Variants in ZFAND1 observed in about 807,000 individuals in gnomAD.
ZFAND1 encodes zinc finger AN1-type containing 1.
A neutral mutation model predicts 38.5 loss-of-function variants in ZFAND1; 40 were observed. The ratio of observed to expected loss-of-function variants is 1.04; its 90% confidence interval spans 0.81 to 1.35. The LOEUF (loss-of-function observed/expected upper bound fraction) is 1.35, where lower values mean the gene tolerates loss of function less well. ZFAND1 is among the 40% of genes most tolerant of loss of function. The pLI is 0.00. For synonymous variants in ZFAND1, 117 were observed against 103.6 expected, an observed-to-expected ratio of 1.13 and a Z score of -0.78; for missense variants, 346 against 316.3, an observed-to-expected ratio of 1.09 and a Z score of -0.71.
chr8:81,717,874 TTAAAA>T (rs1202628279), intron 2 of ZFAND1, among the ~76,000 whole-genome samples: 2 of 152,086 alleles, frequency 1.3e-5, no homozygotes, highest in Non-Finnish European at 2.9e-5. Context: ...ATTTTATTAA[TTAAAA>T]TAAAGAGCAA....
chr8:81,704,592 G>T (rs1410416738), intron 6 of ZFAND1, among the ~76,000 whole-genome samples: 2 of 150,692 alleles, frequency 1.3e-5, no homozygotes, highest in African/African-American at 4.9e-5. Context: ...AAAAGGCTTG[G>T]CCTTTGCTCT....
At chr8:81,715,584 T>C (rs935063165) in intron 3 of ZFAND1, among the ~76,000 whole-genome samples, 7 of 152,048 alleles carry the variant, frequency 4.6e-5, no homozygotes. Context: ...TATTATTCTC[T>C]ATGCCCTATT....
chr8:81,717,611 T>A (rs1346894716), intron 2 of ZFAND1, among the ~76,000 whole-genome samples: 2 of 152,274 alleles, frequency 1.3e-5, no homozygotes, highest in Middle Eastern at 3.4e-3. Context: ...TGAAAAGTGC[T>A]CTAATTCCAA....
At chr8:81,710,541 A>G (rs1227781544) in intron 6 of ZFAND1, among the ~76,000 whole-genome samples, 1 of 152,152 alleles carries the variant, frequency 6.6e-6, no homozygotes, top group Non-Finnish European at 1.5e-5. Flanking sequence ...ACCACCATAA[A>G]CAAGAAAGGA....
intron 3 of ZFAND1, 102 bp downstream of exon 3, chr8:81,717,147 A>G: frequency 3.0e-6 from 3 of 990,066 alleles, no homozygotes; most frequent in Non-Finnish European, 4.4e-6. Flanking sequence ...AGTATGCCAA[A>G]CTTTAATCTG....
chr8:81,711,927 C>G (rs572498291), intron 6 of ZFAND1, among the ~76,000 whole-genome samples: 1 of 151,470 alleles, frequency 6.6e-6, no homozygotes, highest in Non-Finnish European at 1.5e-5. Flanking sequence ...CTACAACTAC[C>G]TCAAAGAATA....
intron 6 of ZFAND1, among the ~76,000 whole-genome samples, chr8:81,708,317 C>G (rs1041054974): frequency 6.8e-6 from 1 of 147,560 alleles, no homozygotes; most frequent in Non-Finnish European, 1.5e-5. Context: ...AAAGGAAAAC[C>G]ACAACAGGAA....
In ZFAND1 at chr8:81,702,914, T is replaced by G. The variant is rs756132865; in HGVS notation, c.637-49A>C. 9 of 1,531,818 alleles carry G rather than the reference T, an allele frequency of 5.9e-6. No homozygotes were observed. In the Admixed American group the frequency reaches 6.5e-5, roughly 11 times the overall value. The allele number at this position is 1,531,818 out of a possible 1,614,324, so 94.9% of individuals were successfully genotyped here. Reference sequence around the variant, plus strand: ...ACTGTAATAAATAAACATGCTTGAATGGAGCATCATAAAACCTTTATTAAT... The same window carrying G: ...ACTGTAATAAATAAACATGCTTGAAGGGAGCATCATAAAACCTTTATTAAT... On this transcript the variant is annotated intron_variant, in intron 7 of 7. Transcript: ENST00000220669.
At chr8:81,702,891 T>C in intron 7 of ZFAND1, 26 bp from the exon 8 acceptor site, 1 of 1,561,064 alleles carries the variant, frequency 6.4e-7, no homozygotes, top group Non-Finnish European at 8.6e-7. Flanking sequence ...TAAGTCATAC[T>C]GTAATAAATA....
At chr8:81,716,610 G>C (rs1007576468) in intron 3 of ZFAND1, among the ~76,000 whole-genome samples, 2 of 152,110 alleles carry the variant, frequency 1.3e-5, no homozygotes, top group Non-Finnish European at 2.9e-5. Flanking sequence ...CAGTGAACTG[G>C]AGGGAATATA....
At chr8:81,708,882 G>T in intron 6 of ZFAND1, 2 of 991,028 alleles carry the variant, frequency 2.0e-6, no homozygotes, top group Non-Finnish European at 2.6e-6. Context: ...TACTAAAGAT[G>T]ATTAAAAAAC....
At position 81,705,257 on chromosome 8, in the gene ZFAND1, T is replaced by C. The variant is rs566180315; in HGVS notation, c.481-2133A>G. On this transcript the variant is annotated intron_variant, in intron 6 of 7. Transcript: ENST00000220669. ...CTGTGAGTGAGAGGAAGGAGAAATA[T>C]AGGAAGAACCTCCTATTCAAGATGA... 2.2e-4 allele frequency among the ~76,000 whole-genome samples: 34 copies of C among 152,256 alleles called. No individual in the cohort carries two copies. In the East Asian group the frequency reaches 3.9e-3, roughly 17 times the overall value.
In ZFAND1 at chr8:81,702,750, T is replaced by A; in HGVS notation, c.752A>T (p.Glu251Val). 1.9e-6 allele frequency: 3 copies of A among 1,595,470 alleles called. No homozygotes were observed. Among genetic ancestry groups the A allele is most frequent in the Non-Finnish European group, 2.6e-6 (3 of 1,172,984 alleles). Reference protein sequence around the residue: ...PLYNGGNIILEYLNDEEQFCK... With the variant: ...PLYNGGNIILVYLNDEEQFCK... The stretch of plus-strand genomic sequence containing the variant: ...GAATTGTTCTTCATCATTAAGATAT[T>A]CCAAGATTATATTTCCACCATTATA... Residue 251 changes from glutamate (E) to valine (V), a missense_variant, in exon 8 of 8, where the codon GAA (glutamate) becomes GTA (valine). Coordinates refer to ENST00000220669, the MANE Select transcript of ZFAND1 (RefSeq NM_024699.3).
At chr8:81,707,818 A>T (rs1050594446) in intron 6 of ZFAND1, among the ~76,000 whole-genome samples, 14 of 152,224 alleles carry the variant, frequency 9.2e-5, no homozygotes, top group African/African-American at 3.4e-4. Flanking sequence ...TGGTATTTTG[A>T]TATTTCAATC....
Position 81,713,934 on chromosome 8 carries a change from T to G in ZFAND1, c.464A>C (p.Asp155Ala), listed in dbSNP as rs776595873. The G allele has an allele frequency of 1.2e-6, 2 of 1,612,976 alleles. No homozygotes were observed. The highest frequency in any genetic ancestry group is 1.7e-6 in the Non-Finnish European group (2 of 1,179,728). Residue 155 changes from aspartate to alanine, a missense_variant, in exon 6 of 8, where the codon GAT becomes GCT. By Grantham distance (126) the Asp-to-Ala change is moderately radical. Transcript: ENST00000220669. Reference protein sequence around the residue: ...LMKLKMHADGDKSLPQTERIY... With the variant: ...LMKLKMHADGAKSLPQTERIY... ...AAGACCAACCTGTGGTAATGACTTA[T>G]CGCCATCAGCATGCATCTTTAATTT...
Position 81,715,209 on chromosome 8 carries a change from T to C in ZFAND1, c.139-95A>G. ...AAGGCAGTATTCATTTTATTTTTGC[T>C]TAAACTTATTAGAGCAAGTTACTTA... On this transcript the variant is annotated intron_variant, in intron 3 of 7. Coordinates refer to ENST00000220669, the MANE Select transcript of ZFAND1 (RefSeq NM_024699.3). The C allele has an allele frequency of 5.9e-6, 8 of 1,363,198 alleles. 1 individual carries two copies. In the South Asian group the frequency reaches 1.1e-4, roughly 19 times the overall value. 84.4% of individuals were successfully genotyped at this position (1,363,198 alleles called of 1,614,324 possible).
chr8:81,702,968 C>T lies in ZFAND1; in HGVS notation c.636+1G>A. ...GAAATATTATTATAATGAGATGTTACCTTAGCTGTAAATTTGTTATTGTCA... is the reference window on the plus strand; with the variant it reads ...GAAATATTATTATAATGAGATGTTATCTTAGCTGTAAATTTGTTATTGTCA... On this transcript the variant is annotated splice_donor_variant, in intron 7 of 7. Transcript: ENST00000220669. LOFTEE classifies it high-confidence loss of function. 1 of 1,507,312 alleles carries T rather than the reference C, an allele frequency of 6.6e-7. No individual in the cohort carries two copies. Among genetic ancestry groups the T allele is most frequent in the Non-Finnish European group, 8.9e-7 (1 of 1,126,622 alleles). The allele number at this position is 1,507,312 out of a possible 1,614,324, so 93.4% of individuals were successfully genotyped here.
In ZFAND1 at chr8:81,709,100, G is replaced by T. The variant is rs572515471; in HGVS notation, c.480+4818C>A. ...CCTATTTAGCACAGTAGCCAAAACT[G>T]GAAACAAAGTGAATGCTCATTAATT... is the stretch of plus-strand genomic sequence containing the variant. On this transcript the variant is annotated intron_variant, in intron 6 of 7. Coordinates refer to ENST00000220669, the MANE Select transcript of ZFAND1 (RefSeq NM_024699.3). Among the ~76,000 whole-genome samples, 10 of 152,152 alleles carry T rather than the reference G, an allele frequency of 6.6e-5. No individual in the cohort carries two copies. The South Asian group carries it at 2.1e-3, about 32-fold the overall frequency.
In ZFAND1 at chr8:81,713,954, T is replaced by A. The variant is rs770384440; in HGVS notation, c.444A>T (p.Leu148Phe). 2 of 1,612,878 alleles carry A rather than the reference T, an allele frequency of 1.2e-6. No individual in the cohort carries two copies. The highest frequency in any genetic ancestry group is 1.7e-6 in the Non-Finnish European group (2 of 1,179,720). ...ETAAKVALMKLKMHADGDKSL... is the reference protein window; with the variant it reads ...ETAAKVALMKFKMHADGDKSL... ...ACTTATCGCCATCAGCATGCATCTT[T>A]AATTTCATCAATGCAACCTTTGCAG... The change falls in exon 6 of 8, where the codon TTA becomes TTT. Residue 148 changes from leucine (L) to phenylalanine (F), a missense_variant. Coordinates refer to ENST00000220669, the MANE Select transcript of ZFAND1 (RefSeq NM_024699.3).
Sources: allele counts gnomAD v4.1 joint callset (sites outside exome capture counted in the v4.1 genomes callset), GRCh38; gene constraint gnomAD v4.1.1; transcripts MANE v1.5; gene names NCBI Gene and HGNC (gene_info 2026-07-23, HGNC 2026-07-21).